FRK: variants seen among roughly 807,000 people sequenced by gnomAD.
The protein encoded by FRK is fyn related Src family tyrosine kinase.
Under a neutral mutation model 56.4 loss-of-function variants are expected in FRK, and 51 were observed. The ratio of observed to expected loss-of-function variants is 0.90; its 90% CI spans 0.72 to 1.14. The LOEUF (loss-of-function observed/expected upper bound fraction) is 1.14. Among genes scored for constraint, FRK ranks in the 50% most tolerant of loss-of-function variants. The pLI, the probability that FRK is intolerant of heterozygous loss-of-function variation, is 0.00. For synonymous variants in FRK, 245 were observed against 217.9 expected (o/e 1.12, Z -1.10); for missense variants, 570 against 601.4 (o/e 0.95, Z 0.55).
At chr6:116,009,780 G>A (rs1360495894) in intron 1 of FRK, among the ~76,000 whole-genome samples, 1 of 152,146 alleles carries the variant, frequency 6.6e-6, no homozygotes, top group East Asian at 1.9e-4. Context: ...AGTGTCTACC[G>A]TATGTAAATT....
rs926347860 is a variant in FRK, at chr6:115,935,279, T to A, written c.*7135A>T. 9 of 152,332 alleles carry A rather than the reference T, an allele frequency of 5.9e-5. No homozygotes were observed. The highest frequency in any genetic ancestry group is 2.2e-4 in the African/African-American group (9 of 41,460). The allele number at this position is 152,332 out of a possible 1,614,324, so 9.4% of individuals were successfully genotyped here. ...TACCTCCTCTACCCAAGGGAAGCCATGAGGGACTGTACCTGAGGAACGGTG... is the reference window on the plus strand; with the variant it reads ...TACCTCCTCTACCCAAGGGAAGCCAAGAGGGACTGTACCTGAGGAACGGTG... On this transcript the variant is annotated 3_prime_UTR_variant, in exon 8 of 8. Coordinates refer to ENST00000606080, the MANE Select transcript of FRK (RefSeq NM_002031.3).
the FRK span, among the ~76,000 whole-genome samples, chr6:116,100,008 C>T: frequency 6.6e-6 from 1 of 152,216 alleles, no homozygotes; most frequent in East Asian, 1.9e-4. Flanking sequence ...ACTTTCTCTG[C>T]ATCTAAAATG....
chr6:116,063,520 T>C (rs1777690760), upstream of FRK, among the ~76,000 whole-genome samples: 1 of 151,040 alleles, frequency 6.6e-6, no homozygotes, highest in Non-Finnish European at 1.5e-5. Context: ...ATCCAACACA[T>C]AGAAGCAGAG....
At chr6:116,039,262 G>A in intron 1 of FRK, 3 of 1,491,024 alleles carry the variant, frequency 2.0e-6, no homozygotes, top group Non-Finnish European at 2.8e-6. Context: ...GTGGGCCATT[G>A]GTACCAGCAA....
intron 1 of FRK, among the ~76,000 whole-genome samples, chr6:116,048,133 T>C (rs1777048638): frequency 6.6e-6 from 1 of 152,252 alleles, no homozygotes; most frequent in African/African-American, 2.4e-5. Context: ...CTGTGACATC[T>C]ATAATACCTT....
At chr6:116,083,341 A>G in the FRK span, among the ~76,000 whole-genome samples, 4 of 152,154 alleles carry the variant, frequency 2.6e-5, no homozygotes, top group African/African-American at 9.7e-5. Flanking sequence ...AAAGGGGAGC[A>G]GAGAAGCAAG....
chr6:115,949,411 G>T (rs1772615543), intron 5 of FRK, among the ~76,000 whole-genome samples: 1 of 152,140 alleles, frequency 6.6e-6, no homozygotes, highest in South Asian at 2.1e-4. Flanking sequence ...TATGATATTG[G>T]CTGTGGGTTT....
intron 1 of FRK, among the ~76,000 whole-genome samples, chr6:116,058,149 A>C (rs1402887217): frequency 6.6e-6 from 1 of 152,202 alleles, no homozygotes; most frequent in Admixed American, 6.5e-5. Context: ...TTATTATAAT[A>C]TACATGTTAT....
At chr6:115,958,266 G>C (rs928945850) in intron 4 of FRK, among the ~76,000 whole-genome samples, 2 of 92,976 alleles carry the variant, frequency 2.2e-5, no homozygotes, top group African/African-American at 3.9e-5. Context: ...AATATAGTGG[G>C]GAATCCCCCC....
intron 1 of FRK, among the ~76,000 whole-genome samples, chr6:116,010,085 C>T (rs951946820): frequency 6.6e-6 from 1 of 151,774 alleles, no homozygotes; most frequent in Admixed American, 6.6e-5. Flanking sequence ...AATAGCCAGG[C>T]GTGGTGGGCA....
chr6:116,083,158 T>C, the FRK span, among the ~76,000 whole-genome samples: 11 of 152,236 alleles, frequency 7.2e-5, no homozygotes, highest in Admixed American at 5.2e-4. Context: ...TAAAATAAAA[T>C]AAAATAATAC....
chr6:115,970,853 CAG>C (rs1562264016), intron 2 of FRK, among the ~76,000 whole-genome samples: 1 of 152,148 alleles, frequency 6.6e-6, no homozygotes, highest in African/African-American at 2.4e-5. Flanking sequence ...GTCAAGGCTG[CAG>C]AGAGTTATGA....
chr6:116,075,286 C>T, the FRK span, among the ~76,000 whole-genome samples: 1 of 151,828 alleles, frequency 6.6e-6, no homozygotes, highest in Non-Finnish European at 1.5e-5. Context: ...TGCCCAAGTC[C>T]TCATCTGCAA....
chr6:115,986,188 G>A (rs942356680), intron 2 of FRK, among the ~76,000 whole-genome samples: 3 of 151,998 alleles, frequency 2.0e-5, no homozygotes, highest in Non-Finnish European at 4.4e-5. Context: ...TTGGTGAATT[G>A]AGTAGGGGCA....
chr6:115,951,544 C>T (rs569533637), intron 5 of FRK, among the ~76,000 whole-genome samples: 2 of 152,168 alleles, frequency 1.3e-5, no homozygotes, highest in East Asian at 3.9e-4. Flanking sequence ...ATCTATCTGT[C>T]ATTAATTACC....
rs11968338 is a variant in FRK at position 116,002,600 on chromosome 6, G to A, written c.466+1277C>T. The stretch of plus-strand genomic sequence containing the variant: ...CAGCCTAGCCATAGAGCGACACTCC[G>A]TCTCAAAAAAACAAAAAAATGGTAA... On this transcript the variant is annotated intron_variant, in intron 2 of 7. Coordinates refer to ENST00000606080, the MANE Select transcript of FRK (RefSeq NM_002031.3). The A allele has an allele frequency of 2.1e-3, 871 of 416,092 alleles. 6 individuals are homozygous for A. The highest frequency in any genetic ancestry group is 0.015 in the African/African-American group (762 of 49,384). The allele number at this position is 416,092 out of a possible 1,614,324, so 25.8% of individuals were successfully genotyped here. A position where few individuals can be genotyped will look rare whatever the true frequency, so the allele number is the denominator to read the frequency against.
intron 1 of FRK, among the ~76,000 whole-genome samples, chr6:116,023,763 C>T (rs1176824296): frequency 6.6e-6 from 1 of 151,954 alleles, no homozygotes; most frequent in Non-Finnish European, 1.5e-5. Flanking sequence ...ACATACAAAC[C>T]TCTCATCTAT....
At chr6:116,028,406 T>TA (rs1051123537) in intron 1 of FRK, among the ~76,000 whole-genome samples, 1 of 152,156 alleles carries the variant, frequency 6.6e-6, no homozygotes, top group African/African-American at 2.4e-5. Flanking sequence ...TTCAGTGTGT[T>TA]AGTCAGCTAG....
chr6:116,070,227 A>C, the FRK span, among the ~76,000 whole-genome samples: 1 of 151,978 alleles, frequency 6.6e-6, no homozygotes, highest in Non-Finnish European at 1.5e-5. Flanking sequence ...TGTACAAGAG[A>C]ATCTTCTCTT....
Sources: allele counts gnomAD v4.1 joint callset (sites outside exome capture counted in the v4.1 genomes callset), GRCh38; gene constraint gnomAD v4.1.1; transcripts MANE v1.5; gene names NCBI Gene and HGNC (gene_info 2026-07-23, HGNC 2026-07-21).